Variants in ASIC2 observed in about 807,000 individuals in gnomAD.
The protein encoded by ASIC2 is acid-sensing ion channel 2.
In ASIC2, 25 loss-of-function variants were observed where a neutral mutation model predicts 57.3. The observed-to-expected ratio is 0.44, with a 90% confidence interval of 0.32 to 0.61. ASIC2 has a LOEUF of 0.61. Among genes scored for constraint, ASIC2 ranks in the 20% least tolerant of loss-of-function variants. ASIC2 has a pLI of 0.06. For missense variants in ASIC2, 641 were observed against 738.1 expected (o/e 0.87, Z 1.52); for synonymous variants, 319 against 307.5 (o/e 1.04, Z -0.39).
At position 33,394,727 on chromosome 17, in the gene ASIC2, T is replaced by C. The variant is rs139299836; in HGVS notation, c.556-282660A>G. On this transcript the variant is annotated intron_variant, in intron 1 of 9. Transcript: ENST00000359872. ...CTTAGACTCCTAACTTGCTTCACCT[T>C]AGAACATTCCTGCCTAGAAACATTC... 1.8e-4 allele frequency among the ~76,000 whole-genome samples: 27 copies of C among 152,292 alleles called. No homozygotes were observed. In the East Asian group the frequency reaches 5.2e-3, roughly 29 times the overall value.
intron 3 of ASIC2, among the ~76,000 whole-genome samples, chr17:33,043,874 T>C (rs2091939388): frequency 6.6e-6 from 1 of 152,162 alleles, no homozygotes; most frequent in Non-Finnish European, 1.5e-5. Context: ...GTTGTGCTGG[T>C]TGGAAGCGAA....
rs1277878689 is a variant in ASIC2, at chr17:33,348,001, C to T, written c.556-235934G>A. The stretch of plus-strand genomic sequence containing the variant: ...CCTGTAGTCCCAGCTACTTGGGAGG[C>T]TGAGGTAGAAGAATCGCTTGAACCC... On this transcript the variant is annotated intron_variant, in intron 1 of 9. Transcript: ENST00000359872. 3.9e-5 allele frequency among the ~76,000 whole-genome samples: 6 copies of T among 152,124 alleles called. No homozygotes were observed. The East Asian group carries it at 1.2e-3, about 29-fold the overall frequency.
At chr17:33,646,119 G>A (rs1045502330) in intron 1 of ASIC2, among the ~76,000 whole-genome samples, 2 of 152,062 alleles carry the variant, frequency 1.3e-5, no homozygotes, top group Admixed American at 6.6e-5. Context: ...CCAGCTCACC[G>A]GGGGTTTGGA....
intron 1 of ASIC2, chr17:33,581,301 C>T (rs1201187979): frequency 6.6e-6 from 1 of 152,172 alleles, no homozygotes; most frequent in Non-Finnish European, 1.5e-5. Flanking sequence ...AGTGCTCAGT[C>T]CTACAGCTGC....
chr17:33,064,264 C>G (rs1368869742), intron 3 of ASIC2, among the ~76,000 whole-genome samples: 3 of 152,152 alleles, frequency 2.0e-5, no homozygotes, highest in Non-Finnish European at 4.4e-5. Context: ...AGTTTTTCTG[C>G]TCTGTTTTTT....
chr17:33,739,446 G>T (rs1910027323), intron 1 of ASIC2, among the ~76,000 whole-genome samples: 1 of 152,236 alleles, frequency 6.6e-6, no homozygotes, highest in Non-Finnish European at 1.5e-5. Flanking sequence ...GCAGGCCCTT[G>T]ACAAGAATGT....
At chr17:33,431,498 G>T (rs1201635936) in intron 1 of ASIC2, among the ~76,000 whole-genome samples, 9 of 152,076 alleles carry the variant, frequency 5.9e-5, no homozygotes, top group African/African-American at 2.2e-4. Flanking sequence ...CAGCTACTCA[G>T]GGGGGCTGAG....
At chr17:33,193,033 A>G (rs1906487643) in intron 1 of ASIC2, among the ~76,000 whole-genome samples, 1 of 152,164 alleles carries the variant, frequency 6.6e-6, no homozygotes, top group South Asian at 2.1e-4. Context: ...TGAATTGTTC[A>G]CCCTGGGTTT....
intron 1 of ASIC2, chr17:33,635,171 A>G (rs1906314284): frequency 6.6e-6 from 1 of 152,194 alleles, no homozygotes; most frequent in Non-Finnish European, 1.5e-5. Context: ...ATTTATGGAG[A>G]TGGAGAAGAT....
intron 1 of ASIC2, among the ~76,000 whole-genome samples, chr17:33,938,722 C>T (rs1050511053): frequency 1.3e-5 from 2 of 152,182 alleles, no homozygotes; most frequent in African/African-American, 4.8e-5. Flanking sequence ...AGCCTAGGAG[C>T]TGGCCATCAG....
At chr17:33,800,502 T>C (rs1912102273) in intron 1 of ASIC2, among the ~76,000 whole-genome samples, 1 of 152,164 alleles carries the variant, frequency 6.6e-6, no homozygotes, top group Admixed American at 6.5e-5. Context: ...CCTTTCTAAC[T>C]GCTTTATCCA....
At chr17:33,154,670 G>A (rs887188903) in intron 1 of ASIC2, among the ~76,000 whole-genome samples, 4 of 152,178 alleles carry the variant, frequency 2.6e-5, no homozygotes, top group Non-Finnish European at 2.9e-5. Context: ...CACCTTGGCC[G>A]TGTGTTCCAA....
intron 1 of ASIC2, among the ~76,000 whole-genome samples, chr17:33,664,630 A>G (rs982191431): frequency 6.6e-6 from 1 of 152,178 alleles, no homozygotes; most frequent in African/African-American, 2.4e-5. Context: ...ATGGTCCCCG[A>G]GCATCCAGAG....
chr17:33,557,108 C>G (rs747176876), intron 1 of ASIC2, among the ~76,000 whole-genome samples: 4 of 152,196 alleles, frequency 2.6e-5, no homozygotes, highest in Non-Finnish European at 5.9e-5. Flanking sequence ...TGACCACTTT[C>G]CAAGAATATT....
At chr17:33,647,384 T>A (rs964436400) in intron 1 of ASIC2, among the ~76,000 whole-genome samples, 31 of 152,136 alleles carry the variant, frequency 2.0e-4, no homozygotes, top group Admixed American at 1.8e-3. Context: ...TAAATGGTTG[T>A]TGAAAGGGAT....
chr17:33,722,586 G>C (rs973603157), intron 1 of ASIC2, among the ~76,000 whole-genome samples: 3 of 149,416 alleles, frequency 2.0e-5, no homozygotes, highest in African/African-American at 7.5e-5. Flanking sequence ...AACATAGTAA[G>C]AGCCTCTCTC....
At chr17:33,533,893 A>G (rs1434586) in intron 1 of ASIC2, 108,479 of 152,068 alleles carry the variant, frequency 0.71, 38,851 homozygotes, top group African/African-American at 0.79. Context: ...GGTCACAAAA[A>G]CTCTCTGCAC....
At chr17:33,929,798 G>T (rs187415925) in intron 1 of ASIC2, among the ~76,000 whole-genome samples, 1 of 152,298 alleles carries the variant, frequency 6.6e-6, no homozygotes, top group Non-Finnish European at 1.5e-5. Flanking sequence ...GCTTCAGGGG[G>T]TGCCATCTAG....
chr17:33,162,229 A>G (rs1260168894), intron 1 of ASIC2, among the ~76,000 whole-genome samples: 1 of 152,194 alleles, frequency 6.6e-6, no homozygotes, highest in Admixed American at 6.5e-5. Flanking sequence ...TCCTGGGGAT[A>G]CAGATACAAT....
Sources: allele counts gnomAD v4.1 joint callset (sites outside exome capture counted in the v4.1 genomes callset), GRCh38; gene constraint gnomAD v4.1.1; transcripts MANE v1.5; gene names NCBI Gene and HGNC (gene_info 2026-07-23, HGNC 2026-07-21).